The following TNKS2 variants were observed in gnomAD, a reference collection of about 807,000 sequenced individuals.
The protein encoded by TNKS2 is poly [ADP-ribose] polymerase tankyrase-2.
In TNKS2, 72 loss-of-function variants were observed where a neutral mutation model predicts 137.6. The ratio of observed to expected loss-of-function variants is 0.52; its 90% CI spans 0.43 to 0.64. The LOEUF is 0.64. Among genes scored for constraint, TNKS2 ranks in the 30% least tolerant of loss-of-function variants. The pLI, the probability that TNKS2 is intolerant of heterozygous loss-of-function variation, is 0.00. For missense variants in TNKS2, 1,049 were observed against 1,410.2 expected (o/e 0.74, Z 4.10); for synonymous variants, 516 against 512.1 (o/e 1.01, Z -0.10).
intron 15 of TNKS2, 108 bp from the exon 16 acceptor site, chr10:91,842,064 A>G (rs1842223223): frequency 1.6e-6 from 1 of 611,450 alleles, no homozygotes. Flanking sequence ...GTAGAGTCTC[A>G]ATATAAATTT....
At chr10:91,800,889 T>C (rs1844142935) in intron 1 of TNKS2, among the ~76,000 whole-genome samples, 1 of 152,198 alleles carries the variant, frequency 6.6e-6, no homozygotes, top group Non-Finnish European at 1.5e-5. Flanking sequence ...CTTTATAATC[T>C]GTTGTAGGTA....
chr10:91,819,176 T>G, intron 3 of TNKS2, 94 bp from the exon 4 acceptor site: 2 of 714,310 alleles, frequency 2.8e-6, no homozygotes, highest in Non-Finnish European at 4.4e-6. Flanking sequence ...GTTTCCAAAT[T>G]TATCTACTTT....
chr10:91,864,473 C>G lies in TNKS2; in HGVS notation c.*1474C>G, dbSNP rs1446601497. The G allele has an allele frequency of 1.3e-5, 2 of 152,454 alleles. No homozygotes were observed. The highest frequency in any genetic ancestry group is 4.8e-5 in the African/African-American group (2 of 41,442). The allele number at this position is 152,454 out of a possible 1,614,324, so 9.4% of individuals were successfully genotyped here. On this transcript the variant is annotated 3_prime_UTR_variant, in exon 27 of 27. Transcript: ENST00000371627. Reference sequence around the variant, plus strand: ...TTTACTCACTTAATGAGGACATTCCCCATCACTGTCTGTACCAGTTCACCT... The same window carrying G: ...TTTACTCACTTAATGAGGACATTCCGCATCACTGTCTGTACCAGTTCACCT...
chr10:91,804,884 C>T (rs1182158066), intron 1 of TNKS2, among the ~76,000 whole-genome samples: 2 of 152,132 alleles, frequency 1.3e-5, no homozygotes, highest in Non-Finnish European at 2.9e-5. Context: ...CTGCTTCAGC[C>T]TCCCGAGTAG....
intron 13 of TNKS2, among the ~76,000 whole-genome samples, chr10:91,838,093 A>G (rs1247750907): frequency 2.2e-5 from 3 of 138,226 alleles, no homozygotes; most frequent in African/African-American, 8.1e-5. Flanking sequence ...GAGATACAGA[A>G]TTGTAAATGC....
At chr10:91,822,133 A>G (rs1157809962) in intron 6 of TNKS2, among the ~76,000 whole-genome samples, 163 bp from the exon 7 acceptor site, 2 of 152,226 alleles carry the variant, frequency 1.3e-5, no homozygotes, top group Admixed American at 1.3e-4. Flanking sequence ...CTTAGGACTT[A>G]GGGTTCAAAT....
In TNKS2 at chr10:91,845,061, T is replaced by C. The variant is rs775526775; in HGVS notation, c.2169+33T>C. On this transcript the variant is annotated intron_variant, in intron 17 of 26. Coordinates refer to ENST00000371627, the MANE Select transcript of TNKS2 (RefSeq NM_025235.4). ...CTTCCGTGTTACCTTTAAAAATTTG[T>C]GGAATTTTAAAGTGAAAGTCAGTAT... The C allele has an allele frequency of 4.1e-6, 6 of 1,460,924 alleles. No individual in the cohort carries two copies. In the Admixed American group the frequency reaches 1.1e-4, roughly 27 times the overall value. 90.5% of individuals were successfully genotyped at this position (1,460,924 alleles called of 1,614,324 possible).
chr10:91,822,406 A>G, intron 7 of TNKS2, 44 bp downstream of exon 7: 1 of 1,462,022 alleles, frequency 6.8e-7, no homozygotes, highest in Non-Finnish European at 9.6e-7. Flanking sequence ...AGAGTTATAT[A>G]AAATAACTTG....
rs1844835902 is a variant in TNKS2, at chr10:91,820,047, C to A, written c.728+14C>A. 6.6e-7 allele frequency: 1 copy of A among 1,516,414 alleles called. No individual in the cohort carries two copies. Among genetic ancestry groups the A allele is most frequent in the African/African-American group, 1.4e-5 (1 of 71,196 alleles). 93.9% of individuals were successfully genotyped at this position (1,516,414 alleles called of 1,614,324 possible). On this transcript the variant is annotated intron_variant, in intron 6 of 26. Coordinates refer to ENST00000371627, the MANE Select transcript of TNKS2 (RefSeq NM_025235.4). ...TAAAGATAAAGGGTAAGCATTTGAA[C>A]AAAAACAAGGACTTTTTAAATGTTA...
At chr10:91,808,980 C>T (rs1844413025) in intron 1 of TNKS2, among the ~76,000 whole-genome samples, 1 of 151,944 alleles carries the variant, frequency 6.6e-6, no homozygotes, top group African/African-American at 2.4e-5. Flanking sequence ...TTACTGAGGC[C>T]AAAAACCTTG....
chr10:91,810,395 C>CA (rs199940229), intron 1 of TNKS2, among the ~76,000 whole-genome samples: 7 of 107,712 alleles, frequency 6.5e-5, no homozygotes, highest in African/African-American at 2.3e-4. Context: ...AAAACAACAA[C>CA]AACAAAAAAA....
At chr10:91,847,198 G>T (rs1191305666) in intron 18 of TNKS2, among the ~76,000 whole-genome samples, 1 of 152,176 alleles carries the variant, frequency 6.6e-6, no homozygotes, top group Admixed American at 6.5e-5. Flanking sequence ...GAAAGGTGAT[G>T]ACTGGAATAG....
chr10:91,844,890 A>G, intron 16 of TNKS2, 29 bp from the exon 17 acceptor site: 1 of 1,515,284 alleles, frequency 6.6e-7, no homozygotes. Context: ...AAAAACAAGT[A>G]AAGTAATTTT....
intron 1 of TNKS2, among the ~76,000 whole-genome samples, chr10:91,801,910 A>C (rs1405682120): frequency 6.6e-6 from 1 of 152,224 alleles, no homozygotes; most frequent in African/African-American, 2.4e-5. Flanking sequence ...AATTTCAGTA[A>C]AGAAGACTCT....
chr10:91,830,778 T>G, intron 9 of TNKS2, 145 bp from the exon 10 acceptor site: 1 of 681,312 alleles, frequency 1.5e-6, no homozygotes, highest in South Asian at 2.1e-5. Context: ...TTGTTGTAAT[T>G]CAATCAAAAG....
chr10:91,819,387 A>C, intron 4 of TNKS2, 81 bp downstream of exon 4: 1 of 1,416,910 alleles, frequency 7.1e-7, no homozygotes. Context: ...CAGTAAGCAA[A>C]CTTTAAAAAG....
chr10:91,798,640 C>T lies in TNKS2; in HGVS notation c.-51C>T. 1 of 1,214,394 alleles carries T rather than the reference C, an allele frequency of 8.2e-7. No homozygotes were observed. The highest frequency in any genetic ancestry group is 1.0e-6 in the Non-Finnish European group (1 of 976,480). 75.2% of individuals were successfully genotyped at this position (1,214,394 alleles called of 1,614,324 possible). On this transcript the variant is annotated 5_prime_UTR_variant, in exon 1 of 27. Coordinates refer to ENST00000371627, the MANE Select transcript of TNKS2 (RefSeq NM_025235.4). ...CGCCCTCCTGCTCGCGGGGCCGGGG[C>T]TCCTGCTCCGGTTGCTGGCGCTGTT...
intron 23 of TNKS2, 55 bp from the exon 24 acceptor site, chr10:91,857,370 A>C (rs547963893): frequency 7.8e-7 from 1 of 1,285,184 alleles, no homozygotes; most frequent in South Asian, 1.4e-5. Flanking sequence ...GGTTTAGATG[A>C]AGAAGTCAGT....
chr10:91,808,371 G>A lies in TNKS2; in HGVS notation c.200-4612G>A, dbSNP rs748073453. ...ATTATAGTTGGGAAAGGGAAGAATC[G>A]TGTGAAATGAAATTAGAGAAGAAGT... On this transcript the variant is annotated intron_variant, in intron 1 of 26. Coordinates refer to ENST00000371627, the MANE Select transcript of TNKS2 (RefSeq NM_025235.4). Among the ~76,000 whole-genome samples, 29 of 152,046 alleles carry A rather than the reference G, an allele frequency of 1.9e-4. 1 individual carries two copies. The South Asian group carries it at 2.7e-3, about 14-fold the overall frequency.
Sources: allele counts gnomAD v4.1 joint callset (sites outside exome capture counted in the v4.1 genomes callset), GRCh38; gene constraint gnomAD v4.1.1; transcripts MANE v1.5; gene names NCBI Gene and HGNC (gene_info 2026-07-23, HGNC 2026-07-21).